The following INPP4B variants were observed in gnomAD, a reference collection of about 807,000 sequenced individuals.
The protein encoded by INPP4B is inositol polyphosphate-4-phosphatase type II B, also known as inositol polyphosphate 4-phosphatase type II.
In INPP4B, 55 loss-of-function variants were observed where a neutral mutation model predicts 122.5. That is an observed-to-expected ratio of 0.45 (90% CI 0.36 to 0.56). The LOEUF (loss-of-function observed/expected upper bound fraction) is 0.56. INPP4B is among the 20% of genes least tolerant of loss of function. The pLI, the probability that INPP4B is intolerant of heterozygous loss-of-function variation, is 0.00. For synonymous variants in INPP4B, 403 were observed against 388.7 expected (o/e 1.04, Z -0.43); for missense variants, 1,000 against 1,097.7 (o/e 0.91, Z 1.26).
At chr4:142,279,152 G>C (rs941647925) in intron 9 of INPP4B, among the ~76,000 whole-genome samples, 2 of 151,784 alleles carry the variant, frequency 1.3e-5, no homozygotes, top group African/African-American at 4.8e-5. Flanking sequence ...TTCAAAGAAG[G>C]TCTAAATAAA....
At position 142,587,887 on chromosome 4, in the gene INPP4B, G is replaced by T. The variant is rs1174821430; in HGVS notation, c.-190-125161C>A. 3.9e-5 allele frequency among the ~76,000 whole-genome samples: 6 copies of T among 151,956 alleles called. No homozygotes were observed. In the East Asian group the frequency reaches 9.7e-4, roughly 24 times the overall value. On this transcript the variant is annotated intron_variant, in intron 2 of 25. Transcript: ENST00000262992. Reference sequence around the variant, plus strand: ...ACTAGATAGAGACACTAGAAGAAAGGTAAAGCATAGACCAATATCTGTCAT... The same window carrying T: ...ACTAGATAGAGACACTAGAAGAAAGTTAAAGCATAGACCAATATCTGTCAT...
intron 11 of INPP4B, among the ~76,000 whole-genome samples, chr4:142,246,043 T>TACAC (rs1728416057): frequency 1.1e-5 from 1 of 95,120 alleles, no homozygotes; most frequent in Admixed American, 1.1e-4. Flanking sequence ...CGTGTGTGTA[T>TACAC]ACACACATTA....
rs758131494 is a variant in INPP4B, at chr4:142,124,648, C to T, written c.1833G>A (p.Ala611=). 5.6e-6 allele frequency: 9 copies of T among 1,613,500 alleles called. No individual in the cohort carries two copies. The highest frequency in any genetic ancestry group is 3.3e-5 in the South Asian group (3 of 91,070). ...GCATCAGACACTGGGGCAAGCTGTA[C>T]GCAAGTTCCTGAAGGAGCACAAATG... ...SLTFVLLQEL[A]YSLPQCLMLT... is the part of the protein sequence containing the mutation. The change falls in exon 19 of 26, where the codon GCG becomes GCA. Residue 611 remains alanine, a synonymous_variant. Transcript: ENST00000262992.
chr4:142,428,763 C>A (rs561269410), intron 5 of INPP4B, among the ~76,000 whole-genome samples: 2 of 151,860 alleles, frequency 1.3e-5, no homozygotes, highest in African/African-American at 4.8e-5. Flanking sequence ...TTCTTGAATA[C>A]GAGAGAAATG....
intron 25 of INPP4B, among the ~76,000 whole-genome samples, chr4:142,046,599 T>A (rs1157832223): frequency 4.0e-5 from 6 of 150,976 alleles, no homozygotes; most frequent in Non-Finnish European, 8.9e-5. Context: ...GAGGCTAGAG[T>A]GAAAAGAAAG....
chr4:142,432,163 A>C (rs1010724701), intron 3 of INPP4B, among the ~76,000 whole-genome samples: 2 of 152,108 alleles, frequency 1.3e-5, no homozygotes, highest in Non-Finnish European at 2.9e-5. Context: ...ACCAAGAATA[A>C]ATTTTTTAAA....
chr4:142,255,908 T>C (rs1453699533), intron 11 of INPP4B, among the ~76,000 whole-genome samples: 1 of 147,426 alleles, frequency 6.8e-6, no homozygotes, highest in Non-Finnish European at 1.5e-5. Flanking sequence ...TACATTTTTT[T>C]CAGCACCACA....
At chr4:142,101,769 GTTCTT>G (rs989635476) in intron 23 of INPP4B, among the ~76,000 whole-genome samples, 29 of 152,162 alleles carry the variant, frequency 1.9e-4, no homozygotes, top group African/African-American at 7.0e-4. Context: ...TAGTAGCCTT[GTTCTT>G]TTCTTTCATT....
chr4:142,356,369 G>T (rs1783617195), intron 7 of INPP4B, among the ~76,000 whole-genome samples: 1 of 150,954 alleles, frequency 6.6e-6, no homozygotes, highest in Non-Finnish European at 1.5e-5. Flanking sequence ...CAGAGACAGG[G>T]GTCAAGTAAG....
intron 23 of INPP4B, among the ~76,000 whole-genome samples, chr4:142,091,668 G>A (rs1224023423): frequency 6.6e-6 from 1 of 152,152 alleles, no homozygotes; most frequent in African/African-American, 2.4e-5. Flanking sequence ...CAATCAAGTT[G>A]AGAGTCAGGT....
chr4:142,184,668 TAC>T (rs1159566594), intron 15 of INPP4B, among the ~76,000 whole-genome samples: 1 of 152,228 alleles, frequency 6.6e-6, no homozygotes, highest in Admixed American at 6.5e-5. Flanking sequence ...TCAGAGCACA[TAC>T]AGTCTAGAGG....
At chr4:142,163,553 G>A (rs1172847364) in intron 16 of INPP4B, among the ~76,000 whole-genome samples, 1 of 151,874 alleles carries the variant, frequency 6.6e-6, no homozygotes. Flanking sequence ...TTTTGAGAGA[G>A]ACCACATTTA....
Position 142,720,733 on chromosome 4 carries a change from T to TATATATATAA in INPP4B, c.-191+5105_-191+5106insTTATATATAT, listed in dbSNP as rs768309185. 1.1e-4 allele frequency among the ~76,000 whole-genome samples: 6 copies of TATATATATAA among 55,448 alleles called. 1 individual carries two copies. Among genetic ancestry groups the TATATATATAA allele is most frequent in the African/African-American group, 5.5e-4 (6 of 10,812 alleles). The allele number at this position is 55,448 out of a possible 152,430, so 36.4% of individuals were successfully genotyped here. The stretch of plus-strand genomic sequence containing the variant: ...AACTGTATATGTGTATATATATACA[T>TATATATATAA]ATATATATATATATACATATATATA... On this transcript the variant is annotated intron_variant, in intron 2 of 25. Transcript: ENST00000262992.
At chr4:142,364,727 G>A (rs180763573) in intron 7 of INPP4B, among the ~76,000 whole-genome samples, 54 of 152,174 alleles carry the variant, frequency 3.5e-4, no homozygotes, top group African/African-American at 1.3e-3. Context: ...CAATCCATGT[G>A]TGCCAACAGG....
chr4:142,062,610 C>T (rs1761565264), intron 25 of INPP4B, among the ~76,000 whole-genome samples: 1 of 151,938 alleles, frequency 6.6e-6, no homozygotes, highest in South Asian at 2.1e-4. Flanking sequence ...GCGGTGCGCA[C>T]CTGTAGTCCC....
intron 9 of INPP4B, among the ~76,000 whole-genome samples, chr4:142,283,193 A>C (rs1451745606): frequency 6.6e-6 from 1 of 152,102 alleles, no homozygotes; most frequent in Non-Finnish European, 1.5e-5. Context: ...GAGGAATCAG[A>C]GACTACATGG....
At chr4:142,269,141 A>G (rs1744497498) in intron 10 of INPP4B, among the ~76,000 whole-genome samples, 1 of 152,166 alleles carries the variant, frequency 6.6e-6, no homozygotes, top group Non-Finnish European at 1.5e-5. Context: ...CACGTAATTG[A>G]CTTCTTTTAT....
chr4:142,787,707 G>A (rs1042389848), intron 1 of INPP4B, among the ~76,000 whole-genome samples: 2 of 151,910 alleles, frequency 1.3e-5, no homozygotes, highest in African/African-American at 4.8e-5. Context: ...GTAGTAAGTT[G>A]GTGTTTAAAG....
chr4:142,400,849 T>TTGGA (rs1193494580), intron 7 of INPP4B, among the ~76,000 whole-genome samples: 8 of 152,192 alleles, frequency 5.3e-5, no homozygotes, highest in African/African-American at 1.9e-4. Flanking sequence ...GTACATTAGT[T>TTGGA]GTCTATCTCC....
Sources: allele counts gnomAD v4.1 joint callset (sites outside exome capture counted in the v4.1 genomes callset), GRCh38; gene constraint gnomAD v4.1.1; transcripts MANE v1.5; gene names NCBI Gene and HGNC (gene_info 2026-07-23, HGNC 2026-07-21).